The following AUTS2 variants were observed in gnomAD, a reference collection of about 807,000 sequenced individuals.
The protein encoded by AUTS2 is autism susceptibility gene 2 protein.
A neutral mutation model predicts 112.4 loss-of-function variants in AUTS2; 17 were observed. The ratio of observed to expected loss-of-function variants is 0.15; its 90% CI spans 0.10 to 0.23. The LOEUF (loss-of-function observed/expected upper bound fraction) is 0.23. Ranked by LOEUF, AUTS2 falls within the 10% of genes least tolerant of loss-of-function variation. The probability of loss-of-function intolerance (pLI) is 1.00; values close to 1 mark genes in which losing one functional copy is unlikely to be tolerated. For missense variants in AUTS2, 1,510 were observed against 1,701.6 expected (o/e 0.89, Z 1.98); for synonymous variants, 751 against 702.7 (o/e 1.07, Z -1.09).
At chr7:69,886,467 A>T (rs771098173) in intron 1 of AUTS2, among the ~76,000 whole-genome samples, 4 of 152,224 alleles carry the variant, frequency 2.6e-5, no homozygotes, top group Non-Finnish European at 5.9e-5. Flanking sequence ...GCTGTGTAAA[A>T]CTGCGTTTAT....
chr7:70,315,606 C>T (rs565562954), intron 4 of AUTS2, among the ~76,000 whole-genome samples: 1 of 152,320 alleles, frequency 6.6e-6, no homozygotes, highest in South Asian at 2.1e-4. Flanking sequence ...ACCTGCCAGA[C>T]ACCTTTCTCA....
chr7:70,189,995 G>A (rs936271482), intron 4 of AUTS2, among the ~76,000 whole-genome samples: 6 of 152,152 alleles, frequency 3.9e-5, no homozygotes, highest in African/African-American at 1.4e-4. Context: ...ATGAATAGTA[G>A]CTGGAATGGT....
intron 4 of AUTS2, among the ~76,000 whole-genome samples, chr7:70,274,472 T>C (rs1182534273): frequency 6.6e-6 from 1 of 152,072 alleles, no homozygotes; most frequent in Non-Finnish European, 1.5e-5. Context: ...CTTTTGTATT[T>C]TTTTAGAGAC....
chr7:70,770,881 A>G (rs62456834), intron 10 of AUTS2, among the ~76,000 whole-genome samples: 5,550 of 152,302 alleles, frequency 0.036, 174 homozygotes, highest in African/African-American at 0.077. Context: ...CTGTGCAACT[A>G]GAATCCATCT....
rs146618735 is a variant in AUTS2 at position 70,111,916 on chromosome 7, G to A, written c.523-6216G>A. 5.2e-4 allele frequency among the ~76,000 whole-genome samples: 79 copies of A among 151,620 alleles called. 2 individuals carry two copies. Among genetic ancestry groups the A allele is most frequent in the Middle Eastern group, 3.4e-3 (1 of 294 alleles). On this transcript the variant is annotated intron_variant, in intron 2 of 18. Coordinates refer to ENST00000342771, the MANE Select transcript of AUTS2 (RefSeq NM_015570.4). The stretch of plus-strand genomic sequence containing the variant: ...TAGAGGTGTATCTCATATCTTTATG[G>A]GTTCCCCCCAGATTATACTATAGTT...
chr7:70,776,264 C>T (rs574509884), intron 13 of AUTS2, among the ~76,000 whole-genome samples: 1 of 152,238 alleles, frequency 6.6e-6, no homozygotes, highest in Non-Finnish European at 1.5e-5. Flanking sequence ...AGTCACTGAG[C>T]GCGCACGCCG....
chr7:69,881,711 C>A (rs1053938968), intron 1 of AUTS2, among the ~76,000 whole-genome samples: 3 of 152,110 alleles, frequency 2.0e-5, no homozygotes, highest in Non-Finnish European at 2.9e-5. Flanking sequence ...GAAATGCCTC[C>A]CCCCACAGCC....
chr7:69,633,300 C>T (rs192781963), intron 1 of AUTS2, among the ~76,000 whole-genome samples: 4 of 151,764 alleles, frequency 2.6e-5, no homozygotes, highest in East Asian at 1.9e-4. Flanking sequence ...AATATTCATA[C>T]ACACACACAC....
At chr7:70,536,369 C>T (rs560866524) in intron 5 of AUTS2, among the ~76,000 whole-genome samples, 40 of 151,974 alleles carry the variant, frequency 2.6e-4, no homozygotes, top group Non-Finnish European at 3.7e-4. Flanking sequence ...GTATTGTATG[C>T]GCCTTTGCCC....
chr7:69,935,153 C>T (rs1170255942), intron 2 of AUTS2, among the ~76,000 whole-genome samples: 1 of 146,582 alleles, frequency 6.8e-6, no homozygotes, highest in African/African-American at 2.6e-5. Flanking sequence ...ACCTTAATAG[C>T]TATGTGTATA....
chr7:70,549,216 A>G (rs934250557), intron 5 of AUTS2, among the ~76,000 whole-genome samples: 1 of 152,154 alleles, frequency 6.6e-6, no homozygotes, highest in African/African-American at 2.4e-5. Flanking sequence ...TTGGTCTTCT[A>G]TCGTATGACA....
intron 5 of AUTS2, among the ~76,000 whole-genome samples, chr7:70,471,346 G>A (rs35924855): frequency 0.15 from 23,348 of 152,018 alleles, 2,366 homozygotes; most frequent in Non-Finnish European, 0.2. Flanking sequence ...GGAAAGGGAA[G>A]GAGGGGGAAA....
At chr7:70,775,090 T>G in intron 12 of AUTS2, 1 of 495,944 alleles carries the variant, frequency 2.0e-6, no homozygotes, top group Non-Finnish European at 3.6e-6. Context: ...TGTGAGCAAA[T>G]CATGTTGCCA....
intron 1 of AUTS2, among the ~76,000 whole-genome samples, chr7:69,657,360 C>T (rs747145021): frequency 1.8e-4 from 28 of 152,204 alleles, no homozygotes; most frequent in Non-Finnish European, 3.1e-4. Flanking sequence ...TGACCTTTCA[C>T]TTAGGGGAAA....
intron 2 of AUTS2, among the ~76,000 whole-genome samples, chr7:70,067,841 G>A (rs1344441359): frequency 6.7e-6 from 1 of 149,766 alleles, no homozygotes; most frequent in Non-Finnish European, 1.5e-5. Context: ...GTGACAGAGT[G>A]AGCACCTGTC....
At chr7:70,494,663 A>G (rs949612811) in intron 5 of AUTS2, among the ~76,000 whole-genome samples, 4 of 152,134 alleles carry the variant, frequency 2.6e-5, no homozygotes, top group Non-Finnish European at 2.9e-5. Flanking sequence ...ACTTAAGAGA[A>G]CAGACTGGAG....
intron 2 of AUTS2, among the ~76,000 whole-genome samples, chr7:69,941,402 G>A (rs986398863): frequency 2.0e-5 from 3 of 152,120 alleles, no homozygotes; most frequent in African/African-American, 7.2e-5. Flanking sequence ...CACCTCAAAC[G>A]TCTTTCCTGT....
chr7:70,501,284 T>C (rs1323343465), intron 5 of AUTS2, among the ~76,000 whole-genome samples: 2 of 152,166 alleles, frequency 1.3e-5, no homozygotes, highest in Non-Finnish European at 2.9e-5. Context: ...GGGAGAGTAG[T>C]TAGCAGTGTC....
At chr7:70,259,277 T>G (rs933857785) in intron 4 of AUTS2, among the ~76,000 whole-genome samples, 2 of 152,126 alleles carry the variant, frequency 1.3e-5, no homozygotes, top group Non-Finnish European at 2.9e-5. Context: ...TTTCTTTCAT[T>G]TCATACAAAA....
Sources: gnomAD v4.1 joint callset for allele counts (sites outside exome capture counted in the v4.1 genomes callset) on GRCh38, gnomAD v4.1.1 for gene constraint, MANE v1.5 for transcripts, NCBI Gene and HGNC (gene_info 2026-07-23, HGNC 2026-07-21) for gene names.